Variants in LRRC4C observed in about 807,000 individuals in gnomAD.
The protein encoded by LRRC4C is leucine-rich repeat-containing protein 4C.
A neutral mutation model predicts 33.6 loss-of-function variants in LRRC4C; 5 were observed. That is an observed-to-expected ratio of 0.15 (90% confidence interval 0.08 to 0.31). LRRC4C has a LOEUF of 0.31. Ranked by LOEUF, LRRC4C falls within the 10% of genes least tolerant of loss-of-function variation. The pLI, the probability that LRRC4C is intolerant of heterozygous loss-of-function variation, is 1.00. For synonymous variants in LRRC4C, 329 were observed against 302.0 expected, an observed-to-expected ratio of 1.09 and a Z score of -0.93; for missense variants, 560 against 796.7, an observed-to-expected ratio of 0.70 and a Z score of 3.58.
At chr11:40,720,645 T>A (rs1591547302) in intron 2 of LRRC4C, among the ~76,000 whole-genome samples, 1 of 152,202 alleles carries the variant, frequency 6.6e-6, no homozygotes, top group Non-Finnish European at 1.5e-5. Flanking sequence ...AATTTGTTCA[T>A]GATATTTGTT....
At chr11:41,455,375 A>C (rs559806222) in intron 1 of LRRC4C, among the ~76,000 whole-genome samples, 1 of 152,036 alleles carries the variant, frequency 6.6e-6, no homozygotes, top group East Asian at 1.9e-4. Context: ...GTCATTATAC[A>C]TTTTCTATTT....
At chr11:40,247,329 C>T (rs748717749) in intron 4 of LRRC4C, among the ~76,000 whole-genome samples, 18 of 152,098 alleles carry the variant, frequency 1.2e-4, no homozygotes, top group Non-Finnish European at 2.5e-4. Context: ...TCTTCTCTGC[C>T]TACCAGGAAG....
At chr11:41,052,736 T>A (rs1858329718) in intron 1 of LRRC4C, among the ~76,000 whole-genome samples, 1 of 152,184 alleles carries the variant, frequency 6.6e-6, no homozygotes, top group Admixed American at 6.5e-5. Flanking sequence ...AATTTTAAAA[T>A]ACAAAGTAAG....
At chr11:40,453,947 T>C (rs910076027) in intron 3 of LRRC4C, among the ~76,000 whole-genome samples, 11 of 152,292 alleles carry the variant, frequency 7.2e-5, no homozygotes, top group Admixed American at 6.5e-4. Flanking sequence ...TTATGATATG[T>C]GAATTATATC....
chr11:40,452,602 C>T (rs984651220), intron 3 of LRRC4C, among the ~76,000 whole-genome samples: 1 of 152,152 alleles, frequency 6.6e-6, no homozygotes, highest in Admixed American at 6.5e-5. Flanking sequence ...ACTAGTTCAA[C>T]CATTGTGGAA....
intron 1 of LRRC4C, among the ~76,000 whole-genome samples, chr11:41,250,060 T>C (rs1407633481): frequency 1.3e-5 from 2 of 151,894 alleles, no homozygotes; most frequent in Admixed American, 6.6e-5. Context: ...TCCCAGCTAC[T>C]TGGGAGGCTG....
At chr11:40,381,592 A>C (rs542672732) in intron 3 of LRRC4C, among the ~76,000 whole-genome samples, 15 of 152,258 alleles carry the variant, frequency 9.9e-5, no homozygotes, top group African/African-American at 3.1e-4. Flanking sequence ...TCACAAGCAT[A>C]AACTGATTAT....
At chr11:40,266,673 G>A (rs1942282590) in intron 4 of LRRC4C, among the ~76,000 whole-genome samples, 1 of 152,114 alleles carries the variant, frequency 6.6e-6, no homozygotes, top group African/African-American at 2.4e-5. Flanking sequence ...GACATTTGTT[G>A]AATCTTCGGC....
intron 3 of LRRC4C, among the ~76,000 whole-genome samples, chr11:40,486,729 A>G (rs889084978): frequency 6.6e-6 from 1 of 152,042 alleles, no homozygotes; most frequent in African/African-American, 2.4e-5. Context: ...GTAGTAAAAT[A>G]TGGGAAAATG....
intron 3 of LRRC4C, among the ~76,000 whole-genome samples, chr11:40,363,452 A>T (rs1948058982): frequency 1.3e-5 from 2 of 152,094 alleles, no homozygotes; most frequent in African/African-American, 4.8e-5. Flanking sequence ...AAAATAAATA[A>T]TGGGTACTAG....
intron 1 of LRRC4C, among the ~76,000 whole-genome samples, chr11:41,239,138 A>T (rs1459152573): frequency 7.1e-6 from 1 of 141,044 alleles, no homozygotes; most frequent in Non-Finnish European, 1.5e-5. Flanking sequence ...ACACGGTGAA[A>T]CCCCGTCTCT....
At chr11:40,483,640 A>G (rs1416320581) in intron 3 of LRRC4C, among the ~76,000 whole-genome samples, 1 of 152,120 alleles carries the variant, frequency 6.6e-6, no homozygotes, top group Non-Finnish European at 1.5e-5. Flanking sequence ...AACAAAGAAC[A>G]ATTATAACCA....
chr11:40,751,071 T>A (rs1948668261), intron 2 of LRRC4C, among the ~76,000 whole-genome samples: 1 of 149,308 alleles, frequency 6.7e-6, no homozygotes, highest in Non-Finnish European at 1.5e-5. Flanking sequence ...TCCACCTCCC[T>A]TTATGAAAAA....
chr11:41,203,343 G>A (rs912160654), intron 1 of LRRC4C, among the ~76,000 whole-genome samples: 2 of 152,164 alleles, frequency 1.3e-5, no homozygotes, highest in African/African-American at 4.8e-5. Context: ...AGATGCTGAG[G>A]AGAAGGCAGT....
At chr11:40,402,961 G>A (rs545890735) in intron 3 of LRRC4C, among the ~76,000 whole-genome samples, 1 of 152,000 alleles carries the variant, frequency 6.6e-6, no homozygotes, top group East Asian at 1.9e-4. Flanking sequence ...CAAACTTCTT[G>A]CCTTTTAGAG....
chr11:40,765,150 T>A (rs1179017966), intron 2 of LRRC4C, among the ~76,000 whole-genome samples: 2 of 152,102 alleles, frequency 1.3e-5, no homozygotes, highest in African/African-American at 2.4e-5. Context: ...CCCACCCAAA[T>A]CTCATATCAA....
At chr11:40,457,805 A>C (rs886540893) in intron 3 of LRRC4C, among the ~76,000 whole-genome samples, 1 of 152,120 alleles carries the variant, frequency 6.6e-6, no homozygotes, top group Non-Finnish European at 1.5e-5. Flanking sequence ...AATTAAGTTG[A>C]CTATTTCTAA....
In LRRC4C at chr11:40,280,413, A is replaced by G. The variant is rs373825454; in HGVS notation, c.-175-38815T>C. Among the ~76,000 whole-genome samples the G allele has an allele frequency of 7.7e-4, 117 of 152,360 alleles. No individual in the cohort carries two copies. The South Asian group carries it at 0.024, about 31-fold the overall frequency. On this transcript the variant is annotated intron_variant, in intron 4 of 6. Transcript: ENST00000528697. ...CACAATTCACTGGCCACGTGCATTA[A>G]GCAGGCAAAGATTTCTTCTTAACAT...
At chr11:40,893,748 G>A (rs2136128435) in intron 2 of LRRC4C, among the ~76,000 whole-genome samples, 1 of 151,868 alleles carries the variant, frequency 6.6e-6, no homozygotes, top group East Asian at 1.9e-4. Context: ...TAATATATAT[G>A]ACTTCAGATT....
Sources: allele counts gnomAD v4.1 joint callset (sites outside exome capture counted in the v4.1 genomes callset), GRCh38; gene constraint gnomAD v4.1.1; transcripts MANE v1.5; gene names NCBI Gene and HGNC (gene_info 2026-07-23, HGNC 2026-07-21).